KIAA0513: variants seen among roughly 807,000 people sequenced by gnomAD.
The protein encoded by KIAA0513 is KIAA0513, also known as uncharacterized protein KIAA0513.
KIAA0513 carries 39 observed loss-of-function variants against 56.5 expected under a neutral mutation model. The ratio of observed to expected loss-of-function variants is 0.69; its 90% CI spans 0.53 to 0.90. KIAA0513 has a LOEUF of 0.90. Ranked by LOEUF, KIAA0513 falls within the 40% of genes least tolerant of loss-of-function variation. KIAA0513 has a pLI of 0.00. For missense variants in KIAA0513, 591 were observed against 535.2 expected, an observed-to-expected ratio of 1.10 and a Z score of -1.03; for synonymous variants, 268 against 215.6, an observed-to-expected ratio of 1.24 and a Z score of -2.13.
intron 1 of KIAA0513, among the ~76,000 whole-genome samples, chr16:85,029,757 C>T (rs1219763645): frequency 6.6e-6 from 1 of 152,204 alleles, no homozygotes; most frequent in Non-Finnish European, 1.5e-5. Context: ...GAAAGACATG[C>T]AAAGGCAGGA....
intron 1 of KIAA0513, among the ~76,000 whole-genome samples, chr16:85,050,030 C>T (rs12597536): frequency 0.46 from 69,253 of 152,026 alleles, 17,110 homozygotes; most frequent in African/African-American, 0.64. Flanking sequence ...AAGTACAGCC[C>T]GTCACCCAGG....
chr16:85,077,785 A>G (rs1222050509), intron 6 of KIAA0513, among the ~76,000 whole-genome samples, 153 bp downstream of exon 6: 3 of 151,978 alleles, frequency 2.0e-5, no homozygotes, highest in Non-Finnish European at 2.9e-5. Context: ...ACGGCTTGCT[A>G]TGGTCTGCAA....
chr16:85,065,275 T>G (rs1397201484), intron 1 of KIAA0513, among the ~76,000 whole-genome samples: 1 of 152,200 alleles, frequency 6.6e-6, no homozygotes, highest in African/African-American at 2.4e-5. Context: ...CATCAGAGAC[T>G]AGGCGCCCTG....
At chr16:85,030,815 T>G (rs758709684) in intron 1 of KIAA0513, among the ~76,000 whole-genome samples, 1 of 151,650 alleles carries the variant, frequency 6.6e-6, no homozygotes, top group Admixed American at 6.6e-5. Flanking sequence ...AATCCCACTT[T>G]CTAAATCTGG....
chr16:85,062,476 G>A (rs2073420178), intron 1 of KIAA0513, among the ~76,000 whole-genome samples: 2 of 152,164 alleles, frequency 1.3e-5, no homozygotes, highest in South Asian at 2.1e-4. Context: ...CAGGCCCGCA[G>A]GCCAGCATGT....
Position 85,071,770 on chromosome 16 carries a change from T to G in KIAA0513, c.330-13T>G. On this transcript the variant is annotated splice_polypyrimidine_tract_variant and intron_variant, in intron 2 of 12. Coordinates refer to ENST00000683363, the MANE Select transcript of KIAA0513 (RefSeq NM_001388359.1). ...TTTTTTTTTTTTCCTCTGCTCTTTT[T>G]TTTTTTTTTTAGGGAGGACTTGGAT... The G allele has an allele frequency of 6.4e-7, 1 of 1,566,568 alleles. No individual in the cohort carries two copies. Among genetic ancestry groups the G allele is most frequent in the Non-Finnish European group, 8.6e-7 (1 of 1,162,998 alleles).
At chr16:85,057,353 A>G (rs2099260120) in intron 1 of KIAA0513, among the ~76,000 whole-genome samples, 1 of 152,204 alleles carries the variant, frequency 6.6e-6, no homozygotes, top group Admixed American at 6.5e-5. Context: ...AGTCTTCCTT[A>G]AACTGTTTCT....
intron 1 of KIAA0513, among the ~76,000 whole-genome samples, chr16:85,058,664 A>C (rs2073363178): frequency 6.6e-6 from 1 of 152,020 alleles, no homozygotes; most frequent in Non-Finnish European, 1.5e-5. Context: ...CAAAAAAAAA[A>C]AAAACACACA....
chr16:85,054,295 A>C (rs983767228), intron 1 of KIAA0513, among the ~76,000 whole-genome samples: 8 of 152,216 alleles, frequency 5.3e-5, no homozygotes, highest in Non-Finnish European at 1.0e-4. Flanking sequence ...GGTCCATAAG[A>C]AAGAAAATAT....
chr16:85,054,151 C>G (rs1041215950), intron 1 of KIAA0513, among the ~76,000 whole-genome samples: 6 of 152,052 alleles, frequency 3.9e-5, no homozygotes, highest in African/African-American at 1.4e-4. Context: ...CAGTGAGACC[C>G]TGTCTCAAAA....
chr16:85,083,023 G>A (rs1424990434), intron 10 of KIAA0513, among the ~76,000 whole-genome samples: 1 of 152,230 alleles, frequency 6.6e-6, no homozygotes, highest in Non-Finnish European at 1.5e-5. Flanking sequence ...GGAGAAGTGG[G>A]TCCCGGCTCA....
intron 1 of KIAA0513, among the ~76,000 whole-genome samples, chr16:85,059,328 C>G (rs1345932609): frequency 6.6e-6 from 1 of 152,170 alleles, no homozygotes; most frequent in African/African-American, 2.4e-5. Context: ...CTTAGGTGTT[C>G]TGGGGGTGCC....
At chr16:85,059,229 C>G (rs1237248165) in intron 1 of KIAA0513, among the ~76,000 whole-genome samples, 1 of 144,484 alleles carries the variant, frequency 6.9e-6, no homozygotes, top group Non-Finnish European at 1.5e-5. Context: ...TGAACTGCTT[C>G]AAGCTAGTAA....
Position 85,078,064 on chromosome 16 carries a change from C to G in KIAA0513, c.783-351C>G, listed in dbSNP as rs571275860. ...TGGGGACGGGCACATCAGAAGTAGA[C>G]GCGTAGAAGCTAAGACTTCCACAAG... is the stretch of plus-strand genomic sequence containing the variant. On this transcript the variant is annotated intron_variant, in intron 6 of 12. Coordinates refer to ENST00000683363, the MANE Select transcript of KIAA0513 (RefSeq NM_001388359.1). Among the ~76,000 whole-genome samples, 62 of 152,242 alleles carry G rather than the reference C, an allele frequency of 4.1e-4. 1 individual carries two copies. Among genetic ancestry groups the G allele is most frequent in the African/African-American group, 1.5e-3 (61 of 41,536 alleles).
intron 1 of KIAA0513, among the ~76,000 whole-genome samples, chr16:85,064,087 C>A (rs935594833): frequency 1.3e-5 from 2 of 148,498 alleles, no homozygotes; most frequent in Non-Finnish European, 3.0e-5. Context: ...CTCACTGCAA[C>A]CTCTGCCTCC....
chr16:85,065,207 G>T (rs899370922), intron 1 of KIAA0513, among the ~76,000 whole-genome samples: 1 of 152,184 alleles, frequency 6.6e-6, no homozygotes, highest in Admixed American at 6.5e-5. Flanking sequence ...GTGAGAATGC[G>T]CTTGTGGAAG....
intron 1 of KIAA0513, among the ~76,000 whole-genome samples, chr16:85,040,890 C>T (rs564424515): frequency 2.6e-5 from 4 of 152,282 alleles, no homozygotes; most frequent in East Asian, 1.9e-4. Context: ...TATTTAGATA[C>T]GCTTGAAGCA....
chr16:85,083,979 CTGTAGCGG>C (rs2144097781), intron 10 of KIAA0513, among the ~76,000 whole-genome samples: 1 of 152,216 alleles, frequency 6.6e-6, no homozygotes, highest in East Asian at 1.9e-4. Flanking sequence ...CAGATTCCCA[CTGTAGCGG>C]TGTAGATGCA....
At chr16:85,071,945 A>T in intron 3 of KIAA0513, 63 bp downstream of exon 3, 1 of 1,124,102 alleles carries the variant, frequency 8.9e-7, no homozygotes, top group South Asian at 1.3e-5. Flanking sequence ...GTGAAGCATA[A>T]CAAATTTGAC....
Sources: gnomAD v4.1 joint callset for allele counts (sites outside exome capture counted in the v4.1 genomes callset) on GRCh38, gnomAD v4.1.1 for gene constraint, MANE v1.5 for transcripts, NCBI Gene and HGNC (gene_info 2026-07-23, HGNC 2026-07-21) for gene names.